Variants in KCNH7 observed in about 807,000 individuals in gnomAD.
The protein encoded by KCNH7 is potassium voltage-gated channel subfamily H member 7.
In KCNH7, 49 loss-of-function variants were observed where a neutral mutation model predicts 120.8. The ratio of observed to expected loss-of-function variants is 0.41; its 90% CI spans 0.32 to 0.51. KCNH7 has a LOEUF of 0.51. Ranked by LOEUF, KCNH7 falls within the 20% of genes least tolerant of loss-of-function variation. KCNH7 has a pLI of 0.38. For synonymous variants in KCNH7, 547 were observed against 516.1 expected (o/e 1.06, Z -0.81); for missense variants, 1,097 against 1,446.6 (o/e 0.76, Z 3.92).
chr2:162,671,063 T>C (rs1307344342), intron 2 of KCNH7, among the ~76,000 whole-genome samples: 1 of 151,880 alleles, frequency 6.6e-6, no homozygotes, highest in Non-Finnish European at 1.5e-5. Flanking sequence ...TATTAAAAAG[T>C]CAAAAAACAA....
chr2:162,725,932 T>A (rs1479249778), intron 2 of KCNH7, among the ~76,000 whole-genome samples: 1 of 152,212 alleles, frequency 6.6e-6, no homozygotes, highest in Non-Finnish European at 1.5e-5. Flanking sequence ...TATTTCAGCA[T>A]GTATTTCTAA....
chr2:162,713,921 C>T (rs946470191), intron 2 of KCNH7, among the ~76,000 whole-genome samples: 8 of 151,932 alleles, frequency 5.3e-5, no homozygotes, highest in Non-Finnish European at 1.2e-4. Flanking sequence ...GCTAATTTTT[C>T]TATTTTTAGA....
At chr2:162,502,815 G>A (rs532928991) in intron 6 of KCNH7, among the ~76,000 whole-genome samples, 8 of 152,088 alleles carry the variant, frequency 5.3e-5, no homozygotes, top group Admixed American at 1.3e-4. Context: ...TGCTGAACAC[G>A]GCAGCATAGG....
intron 2 of KCNH7, among the ~76,000 whole-genome samples, chr2:162,788,900 C>A (rs887260687): frequency 2.8e-5 from 4 of 144,266 alleles, no homozygotes; most frequent in Admixed American, 1.4e-4. Flanking sequence ...CTATAACATA[C>A]AAGGAAACCA....
chr2:162,788,382 TA>T (rs1171244623), intron 2 of KCNH7, among the ~76,000 whole-genome samples: 1 of 151,754 alleles, frequency 6.6e-6, no homozygotes, highest in African/African-American at 2.4e-5. Flanking sequence ...AGGAGAACAA[TA>T]AAAAACAAAA....
intron 2 of KCNH7, among the ~76,000 whole-genome samples, chr2:162,597,649 A>G (rs1412067582): frequency 6.6e-6 from 1 of 152,054 alleles, no homozygotes; most frequent in African/African-American, 2.4e-5. Flanking sequence ...GACTATAATT[A>G]ATAACAATGT....
intron 2 of KCNH7, among the ~76,000 whole-genome samples, chr2:162,764,697 G>A (rs750971637): frequency 2.6e-5 from 4 of 152,076 alleles, no homozygotes; most frequent in Non-Finnish European, 5.9e-5. Flanking sequence ...ATCAATTCAT[G>A]AGTTATTTTT....
At chr2:162,405,283 A>T (rs1367870672) in intron 9 of KCNH7, among the ~76,000 whole-genome samples, 1 of 152,012 alleles carries the variant, frequency 6.6e-6, no homozygotes, top group East Asian at 1.9e-4. Context: ...CTTTTAAGTG[A>T]ATATGAAATG....
intron 2 of KCNH7, among the ~76,000 whole-genome samples, chr2:162,574,204 A>G (rs1412906580): frequency 6.6e-6 from 1 of 152,086 alleles, no homozygotes; most frequent in Admixed American, 6.6e-5. Flanking sequence ...CATACTGTGC[A>G]CTGAAGATTA....
In KCNH7 at chr2:162,588,644, T is replaced by C. The variant is rs187397432; in HGVS notation, c.308-51564A>G. Among the ~76,000 whole-genome samples, 5 of 152,238 alleles carry C rather than the reference T, an allele frequency of 3.3e-5. No individual in the cohort carries two copies. The East Asian group carries it at 9.7e-4, about 30-fold the overall frequency. ...TAATTGTACATATTTATGGGGTACA[T>C]AGTGATGTTTTGATAAATATAATGT... On this transcript the variant is annotated intron_variant, in intron 2 of 15. Coordinates refer to ENST00000332142, the MANE Select transcript of KCNH7 (RefSeq NM_033272.4).
intron 6 of KCNH7, among the ~76,000 whole-genome samples, chr2:162,488,927 G>A (rs1279151985): frequency 6.6e-6 from 1 of 152,166 alleles, no homozygotes; most frequent in Non-Finnish European, 1.5e-5. Flanking sequence ...ACGGTGCTTA[G>A]TCAGTTGGCT....
At chr2:162,747,325 A>T (rs371277472) in intron 2 of KCNH7, among the ~76,000 whole-genome samples, 14 of 152,180 alleles carry the variant, frequency 9.2e-5, no homozygotes, top group East Asian at 7.7e-4. Flanking sequence ...AGTTAAAAAT[A>T]ATAAAAGAAA....
chr2:162,639,814 C>T (rs79838552), intron 2 of KCNH7, among the ~76,000 whole-genome samples: 6,766 of 152,028 alleles, frequency 0.045, 284 homozygotes, highest in East Asian at 0.12. Context: ...ATTGATGGCA[C>T]ACAAAAATCC....
At chr2:162,695,971 C>T (rs1327436152) in intron 2 of KCNH7, among the ~76,000 whole-genome samples, 2 of 152,156 alleles carry the variant, frequency 1.3e-5, no homozygotes, top group African/African-American at 2.4e-5. Context: ...TGAACCCTAA[C>T]TATTCCTAAA....
At chr2:162,525,038 TAAC>T (rs145475112) in intron 3 of KCNH7, among the ~76,000 whole-genome samples, 5,295 of 151,980 alleles carry the variant, frequency 0.035, 400 homozygotes, top group Admixed American at 0.18. Context: ...GTGTCAGTGA[TAAC>T]AAAAGATCAC....
chr2:162,645,795 T>G (rs1684337990), intron 2 of KCNH7, among the ~76,000 whole-genome samples: 1 of 152,194 alleles, frequency 6.6e-6, no homozygotes, highest in East Asian at 1.9e-4. Context: ...CTTTCCCAAA[T>G]GAGGTCACAC....
intron 6 of KCNH7, among the ~76,000 whole-genome samples, chr2:162,467,571 G>GTTTA (rs1245886150): frequency 6.6e-6 from 1 of 152,160 alleles, no homozygotes; most frequent in Non-Finnish European, 1.5e-5. Flanking sequence ...TTTAGAAGCA[G>GTTTA]GTGCTGGCAC....
chr2:162,634,700 T>C (rs1317085629), intron 2 of KCNH7, among the ~76,000 whole-genome samples: 1 of 152,030 alleles, frequency 6.6e-6, no homozygotes, highest in Admixed American at 6.6e-5. Flanking sequence ...TCTTCCATTA[T>C]GCTTGGCTAT....
At chr2:162,790,163 A>G (rs1683875403) in intron 2 of KCNH7, among the ~76,000 whole-genome samples, 1 of 151,982 alleles carries the variant, frequency 6.6e-6, no homozygotes, top group Non-Finnish European at 1.5e-5. Flanking sequence ...AACCACTGAT[A>G]TCACAGGAAT....
Sources: gnomAD v4.1 joint callset for allele counts (sites outside exome capture counted in the v4.1 genomes callset) on GRCh38, gnomAD v4.1.1 for gene constraint, MANE v1.5 for transcripts, NCBI Gene and HGNC (gene_info 2026-07-23, HGNC 2026-07-21) for gene names.